SNX29: variants seen among roughly 807,000 people sequenced by gnomAD.
SNX29 encodes sorting nexin-29.
Under a neutral mutation model 102.1 loss-of-function variants are expected in SNX29, and 78 were observed. The ratio of observed to expected loss-of-function variants is 0.76; its 90% CI spans 0.64 to 0.92. The LOEUF (loss-of-function observed/expected upper bound fraction) is 0.92. SNX29 is among the 40% of genes least tolerant of loss of function. The pLI, the probability that SNX29 is intolerant of heterozygous loss-of-function variation, is 0.00. For synonymous variants in SNX29, 580 were observed against 414.5 expected (o/e 1.40, Z -4.85); for missense variants, 1,280 against 1,061.7 (o/e 1.21, Z -2.86).
rs369864735 is a variant in SNX29, at chr16:12,448,684, C to A, written c.2038-29035C>A. Among the ~76,000 whole-genome samples the A allele has an allele frequency of 3.9e-5, 6 of 152,244 alleles. No individual in the cohort carries two copies. In the South Asian group the frequency reaches 1.2e-3, roughly 32 times the overall value. On this transcript the variant is annotated intron_variant, in intron 18 of 20. Transcript: ENST00000566228. ...AAAGCCTGACTTTATCGCATTCCAC[C>A]CTGCTAATTATGGGAGTGGCTGCCC... is the stretch of plus-strand genomic sequence containing the variant.
intron 19 of SNX29, among the ~76,000 whole-genome samples, chr16:12,506,175 G>T (rs1172079335): frequency 6.6e-6 from 1 of 152,190 alleles, no homozygotes; most frequent in Non-Finnish European, 1.5e-5. Flanking sequence ...TGACCAGGCT[G>T]GTCTTGAACT....
chr16:12,418,602 C>G (rs1168878111), intron 18 of SNX29, among the ~76,000 whole-genome samples: 1 of 152,052 alleles, frequency 6.6e-6, no homozygotes, highest in Non-Finnish European at 1.5e-5. Context: ...GCAACCTCCA[C>G]CTCCCGGATT....
Position 12,532,105 on chromosome 16 carries a change from C to T in SNX29, c.2318+7264C>T, listed in dbSNP as rs867270121. ...GGAACATGTGGGAGAGACGTGGTCACGATCTCATTAGTCAGGATTGCCTTG... is the reference window on the plus strand; with the variant it reads ...GGAACATGTGGGAGAGACGTGGTCATGATCTCATTAGTCAGGATTGCCTTG... On this transcript the variant is annotated intron_variant, in intron 20 of 20. Transcript: ENST00000566228. Among the ~76,000 whole-genome samples the T allele has an allele frequency of 7.9e-5, 12 of 152,312 alleles. No homozygotes were observed. The South Asian group carries it at 1.2e-3, about 16-fold the overall frequency.
chr16:12,161,424 G>A (rs2055781236), intron 13 of SNX29, among the ~76,000 whole-genome samples: 2 of 152,138 alleles, frequency 1.3e-5, no homozygotes, highest in Admixed American at 6.5e-5. Context: ...TTACTCTCTC[G>A]TCTTCCTCTC....
chr16:12,103,678 C>A (rs528505234), intron 11 of SNX29, among the ~76,000 whole-genome samples: 2 of 152,238 alleles, frequency 1.3e-5, no homozygotes, highest in Non-Finnish European at 2.9e-5. Context: ...CAACAAAAAC[C>A]AAAATTGACA....
intron 13 of SNX29, among the ~76,000 whole-genome samples, chr16:12,148,474 A>C (rs1405815499): frequency 6.6e-6 from 1 of 152,132 alleles, no homozygotes; most frequent in Non-Finnish European, 1.5e-5. Context: ...GCTACATCTT[A>C]GTAGATCTTG....
chr16:12,144,909 G>C (rs2055000998), intron 13 of SNX29, among the ~76,000 whole-genome samples: 1 of 152,150 alleles, frequency 6.6e-6, no homozygotes, highest in South Asian at 2.1e-4. Flanking sequence ...TTTTAGTAGA[G>C]ACGGGGTTTC....
rs765292455 is a variant in SNX29 at position 12,490,376 on chromosome 16, A to G, written c.2178+12517A>G. The stretch of plus-strand genomic sequence containing the variant: ...TTCCTCCATGTTGTTGCAAGTAGCA[A>G]TTGTTGGTTCATTTTCATTGCTCTG... On this transcript the variant is annotated intron_variant, in intron 19 of 20. Transcript: ENST00000566228. Among the ~76,000 whole-genome samples, 128 of 152,176 alleles carry G rather than the reference A, an allele frequency of 8.4e-4. 2 individuals carry two copies. The highest frequency in any genetic ancestry group is 1.4e-3 in the Admixed American group (21 of 15,284).
chr16:12,267,210 A>T (rs1310642795), intron 14 of SNX29, among the ~76,000 whole-genome samples: 1 of 151,002 alleles, frequency 6.6e-6, no homozygotes, highest in Non-Finnish European at 1.5e-5. Context: ...TTCTTAAATT[A>T]TGAGTAGACA....
At position 12,365,128 on chromosome 16, in the gene SNX29, A is replaced by G. The variant is rs1330128781; in HGVS notation, c.1899+8849A>G. 7.9e-5 allele frequency among the ~76,000 whole-genome samples: 12 copies of G among 152,126 alleles called. 1 individual carries two copies. The East Asian group carries it at 2.3e-3, about 29-fold the overall frequency. On this transcript the variant is annotated intron_variant, in intron 16 of 20. Coordinates refer to ENST00000566228, the MANE Select transcript of SNX29 (RefSeq NM_032167.5). ...ACCCAGGACTCTTTTGTTCCATACC[A>G]CCACACTGCTCACTCTTTATTTTAT... is the stretch of plus-strand genomic sequence containing the variant.
chr16:11,997,184 C>G (rs1278064181), intron 1 of SNX29, among the ~76,000 whole-genome samples: 1 of 152,106 alleles, frequency 6.6e-6, no homozygotes, highest in Non-Finnish European at 1.5e-5. Flanking sequence ...TTGCTTTTTG[C>G]TCAAGCCACA....
chr16:12,152,818 A>G (rs2055355537), intron 13 of SNX29, among the ~76,000 whole-genome samples: 1 of 152,180 alleles, frequency 6.6e-6, no homozygotes, highest in Non-Finnish European at 1.5e-5. Flanking sequence ...TCTGTCTCAC[A>G]TAGGTCAGCT....
intron 4 of SNX29, among the ~76,000 whole-genome samples, chr16:12,028,136 C>T (rs1039346569): frequency 6.6e-6 from 1 of 152,200 alleles, no homozygotes; most frequent in African/African-American, 2.4e-5. Context: ...ACCACGGCTG[C>T]TGCTGGGAAT....
intron 19 of SNX29, among the ~76,000 whole-genome samples, chr16:12,491,689 C>T (rs893978743): frequency 3.2e-4 from 48 of 152,204 alleles, no homozygotes; most frequent in African/African-American, 1.1e-3. Flanking sequence ...TTCCCCCAAC[C>T]CCACAACAGT....
At chr16:12,236,146 C>T (rs1007643884) in intron 14 of SNX29, among the ~76,000 whole-genome samples, 3 of 152,136 alleles carry the variant, frequency 2.0e-5, no homozygotes, top group Admixed American at 2.0e-4. Flanking sequence ...TGTTTTCCCA[C>T]ATCAATCTGA....
intron 11 of SNX29, chr16:12,087,906 G>A (rs2052289331): frequency 4.4e-6 from 2 of 456,790 alleles, no homozygotes; most frequent in East Asian, 6.9e-5. Context: ...GATTCCTGCT[G>A]GTGGAGCTGC....
intron 3 of SNX29, 82 bp downstream of exon 3, chr16:12,003,125 A>G (rs554443277): frequency 6.4e-7 from 1 of 1,569,904 alleles, no homozygotes; most frequent in Admixed American, 1.7e-5. Context: ...ACCGTTGACC[A>G]TCGAGGTTGG....
intron 13 of SNX29, among the ~76,000 whole-genome samples, chr16:12,141,243 A>G (rs1037478982): frequency 7.9e-5 from 12 of 152,226 alleles, no homozygotes; most frequent in Non-Finnish European, 1.6e-4. Context: ...GCCTACATGA[A>G]TGGCCACAGG....
rs148506589 is a variant in SNX29 at position 12,547,999 on chromosome 16, C to T, written c.2319-20507C>T. Among the ~76,000 whole-genome samples, 273 of 152,242 alleles carry T rather than the reference C, an allele frequency of 1.8e-3. 2 individuals carry two copies. The highest frequency in any genetic ancestry group is 6.0e-3 in the African/African-American group (249 of 41,526). On this transcript the variant is annotated intron_variant, in intron 20 of 20. Coordinates refer to ENST00000566228, the MANE Select transcript of SNX29 (RefSeq NM_032167.5). ...GCATGGCACAGGGGTCTCGAGTGAACGTGGCATCCTGGACTTTTGCACTGC... is the reference window on the plus strand; with the variant it reads ...GCATGGCACAGGGGTCTCGAGTGAATGTGGCATCCTGGACTTTTGCACTGC...
Sources: gnomAD v4.1 joint callset for allele counts (sites outside exome capture counted in the v4.1 genomes callset) on GRCh38, gnomAD v4.1.1 for gene constraint, MANE v1.5 for transcripts, NCBI Gene and HGNC (gene_info 2026-07-23, HGNC 2026-07-21) for gene names.